The following MARCHF3 variants were observed in gnomAD, a reference collection of about 807,000 sequenced individuals.
MARCHF3 encodes the protein membrane associated ring-CH-type finger 3.
In MARCHF3, 13 loss-of-function variants were observed where a neutral mutation model predicts 24.2. That is an observed-to-expected ratio of 0.54 (90% CI 0.35 to 0.85). The LOEUF is 0.85. Ranked by LOEUF, MARCHF3 falls within the 40% of genes least tolerant of loss-of-function variation. The probability of loss-of-function intolerance (pLI) is 0.01; values close to 1 mark genes in which losing one functional copy is unlikely to be tolerated. For missense variants in MARCHF3, 276 were observed against 325.0 expected (o/e 0.85, Z 1.16); for synonymous variants, 144 against 137.3 (o/e 1.05, Z -0.34).
Position 126,925,490 on chromosome 5 carries a change from T to A in MARCHF3, c.-56-7263A>T, listed in dbSNP as rs1749261993. 2.6e-5 allele frequency among the ~76,000 whole-genome samples: 4 copies of A among 152,194 alleles called. 1 individual carries two copies. In the South Asian group the frequency reaches 8.3e-4, roughly 32 times the overall value. Reference sequence around the variant, plus strand: ...GCAAATCAAGTAACAATTATCATATTTAGACATATTTTTCCCTCAAGAAGT... The same window carrying A: ...GCAAATCAAGTAACAATTATCATATATAGACATATTTTTCCCTCAAGAAGT... On this transcript the variant is annotated intron_variant, in intron 1 of 4. Coordinates refer to ENST00000308660, the MANE Select transcript of MARCHF3 (RefSeq NM_178450.5).
At chr5:126,909,928 T>A (rs1419575978) in intron 3 of MARCHF3, among the ~76,000 whole-genome samples, 1 of 152,228 alleles carries the variant, frequency 6.6e-6, no homozygotes, top group African/African-American at 2.4e-5. Context: ...CTTTATATCC[T>A]ATTATTCTGG....
At chr5:126,889,667 G>C (rs1044746552) in intron 3 of MARCHF3, among the ~76,000 whole-genome samples, 20 of 152,200 alleles carry the variant, frequency 1.3e-4, no homozygotes, top group African/African-American at 4.6e-4. Flanking sequence ...AGTCCCTATA[G>C]TCCAATGTTT....
At position 126,979,948 on chromosome 5, in the gene MARCHF3, C is replaced by CAAA. The variant is rs757849978; in HGVS notation, c.-57+50399_-57+50401dup. ...GGGCAACAAGAGCCAAACTCCATCT[C>CAAA]AAAAAAAAAAAAAAAAAAAAAAAGA... On this transcript the variant is annotated intron_variant, in intron 1 of 4. Coordinates refer to ENST00000308660, the MANE Select transcript of MARCHF3 (RefSeq NM_178450.5). Among the ~76,000 whole-genome samples the CAAA allele has an allele frequency of 8.5e-3, 382 of 44,812 alleles. 5 individuals carry two copies. Among genetic ancestry groups the CAAA allele is most frequent in the Non-Finnish European group, 0.013 (271 of 20,818 alleles). 29.4% of individuals were successfully genotyped at this position (44,812 alleles called of 152,430 possible). A position where few individuals can be genotyped will look rare whatever the true frequency, so the allele number is the denominator to read the frequency against.
At chr5:126,939,461 G>A (rs1223418575) in intron 1 of MARCHF3, among the ~76,000 whole-genome samples, 1 of 152,160 alleles carries the variant, frequency 6.6e-6, no homozygotes, top group Non-Finnish European at 1.5e-5. Context: ...GCTGTTCTGG[G>A]TGATCAGCCT....
chr5:127,016,809 A>G (rs1270127589), intron 1 of MARCHF3, among the ~76,000 whole-genome samples: 1 of 152,208 alleles, frequency 6.6e-6, no homozygotes, highest in African/African-American at 2.4e-5. Flanking sequence ...ATGAACACCT[A>G]TATGTATTGC....
chr5:126,959,478 T>C (rs772645645), intron 1 of MARCHF3, among the ~76,000 whole-genome samples: 1 of 152,174 alleles, frequency 6.6e-6, no homozygotes, highest in African/African-American at 2.4e-5. Context: ...AAACTAAATG[T>C]ATCATAGGCT....
chr5:126,878,031 T>G (rs1056754509), intron 4 of MARCHF3, among the ~76,000 whole-genome samples, 154 bp downstream of exon 4: 1 of 151,628 alleles, frequency 6.6e-6, no homozygotes, highest in Non-Finnish European at 1.5e-5. Context: ...CACACACACA[T>G]AGTCATAAAC....
intron 1 of MARCHF3, among the ~76,000 whole-genome samples, chr5:127,006,125 C>T (rs968958052): frequency 2.0e-5 from 3 of 151,284 alleles, no homozygotes; most frequent in Non-Finnish European, 4.4e-5. Flanking sequence ...ATCACTTGAA[C>T]CTGCAAGGCG....
intron 1 of MARCHF3, among the ~76,000 whole-genome samples, chr5:127,007,382 C>T (rs1458729731): frequency 6.7e-6 from 1 of 149,712 alleles, no homozygotes; most frequent in Non-Finnish European, 1.5e-5. Flanking sequence ...TTTCAAAACA[C>T]ATATTTAATT....
chr5:126,874,622 G>T (rs1439850347), intron 4 of MARCHF3, among the ~76,000 whole-genome samples: 1 of 151,904 alleles, frequency 6.6e-6, no homozygotes, highest in Non-Finnish European at 1.5e-5. Context: ...AAGGCTTTGG[G>T]ATATCTGATT....
At chr5:126,952,308 G>A (rs1188413674) in intron 1 of MARCHF3, among the ~76,000 whole-genome samples, 1 of 152,172 alleles carries the variant, frequency 6.6e-6, no homozygotes, top group East Asian at 1.9e-4. Flanking sequence ...GCAAGAGACA[G>A]AGGAAACCTT....
rs1459516673 is a variant in MARCHF3 at position 126,869,478 on chromosome 5, T to A, written c.*1155A>T. ...CCCTTAGAAAAAGTCTATTTCGGAC[T>A]GTGACAGAATTGGCTCATGGTTGGG... On this transcript the variant is annotated 3_prime_UTR_variant, in exon 5 of 5. Transcript: ENST00000308660. The A allele has an allele frequency of 6.6e-6, 1 of 151,916 alleles. No individual in the cohort carries two copies. Among genetic ancestry groups the A allele is most frequent in the Non-Finnish European group, 1.5e-5 (1 of 68,052 alleles). 9.4% of individuals were successfully genotyped at this position (151,916 alleles called of 1,614,324 possible).
At chr5:126,986,926 T>G (rs749101418) in intron 1 of MARCHF3, among the ~76,000 whole-genome samples, 22 of 152,236 alleles carry the variant, frequency 1.4e-4, no homozygotes, top group African/African-American at 4.8e-5. Context: ...AGGAAGAAGA[T>G]GGCAAATAGA....
intron 1 of MARCHF3, among the ~76,000 whole-genome samples, chr5:126,979,355 T>C (rs1379137417): frequency 6.6e-6 from 1 of 152,232 alleles, no homozygotes; most frequent in Non-Finnish European, 1.5e-5. Flanking sequence ...ATTCAGAGTA[T>C]GTCACACACT....
rs1391367840 is a variant in MARCHF3, at chr5:126,867,894, C to T, written c.*2739G>A. On this transcript the variant is annotated 3_prime_UTR_variant, in exon 5 of 5. Coordinates refer to ENST00000308660, the MANE Select transcript of MARCHF3 (RefSeq NM_178450.5). Reference sequence around the variant, plus strand: ...GCTGGATTTGTCTTAGTTGTTAATTCACCTTCTGGCTTCACTGTGACACAC... The same window carrying T: ...GCTGGATTTGTCTTAGTTGTTAATTTACCTTCTGGCTTCACTGTGACACAC... 1 of 152,210 alleles carries T rather than the reference C, an allele frequency of 6.6e-6. No individual in the cohort carries two copies. Among genetic ancestry groups the T allele is most frequent in the Non-Finnish European group, 1.5e-5 (1 of 68,054 alleles). The allele number at this position is 152,210 out of a possible 1,614,324, so 9.4% of individuals were successfully genotyped here. A position where few individuals can be genotyped will look rare whatever the true frequency, so the allele number is the denominator to read the frequency against.
At chr5:126,896,017 C>G (rs959994563) in intron 3 of MARCHF3, among the ~76,000 whole-genome samples, 14 of 152,144 alleles carry the variant, frequency 9.2e-5, no homozygotes, top group African/African-American at 3.4e-4. Context: ...TCTGGTGCGC[C>G]GTTTTTTAAG....
At chr5:127,007,915 T>G (rs1436742387) in intron 1 of MARCHF3, among the ~76,000 whole-genome samples, 1 of 152,094 alleles carries the variant, frequency 6.6e-6, no homozygotes, top group African/African-American at 2.4e-5. Context: ...AATACATATA[T>G]GGACACACAT....
chr5:126,932,067 AAC>A (rs1396088792), intron 1 of MARCHF3, among the ~76,000 whole-genome samples: 1 of 152,252 alleles, frequency 6.6e-6, no homozygotes, highest in Non-Finnish European at 1.5e-5. Flanking sequence ...GCACACAGCA[AAC>A]ACCACTGGCT....
chr5:126,990,081 T>C (rs1436446242), intron 1 of MARCHF3, among the ~76,000 whole-genome samples: 71 of 316 alleles, frequency 0.22, 2 homozygotes, highest in Admixed American at 0.44. Context: ...AGAGCCCCCA[T>C]TTAACAAGAC....
Sources: allele counts gnomAD v4.1 joint callset (sites outside exome capture counted in the v4.1 genomes callset), GRCh38; gene constraint gnomAD v4.1.1; transcripts MANE v1.5; gene names NCBI Gene and HGNC (gene_info 2026-07-23, HGNC 2026-07-21).